TTLL6: variants seen among roughly 807,000 people sequenced by gnomAD.
TTLL6 encodes tubulin tyrosine ligase like 6.
TTLL6 carries 75 observed loss-of-function variants against 96.4 expected under a neutral mutation model. The ratio of observed to expected loss-of-function variants is 0.78; its 90% CI spans 0.65 to 0.94. TTLL6 has a LOEUF of 0.94. Among genes scored for constraint, TTLL6 ranks in the 40% least tolerant of loss-of-function variants. The pLI, the probability that TTLL6 is intolerant of heterozygous loss-of-function variation, is 0.00. For missense variants in TTLL6, 1,030 were observed against 1,093.0 expected (o/e 0.94, Z 0.81); for synonymous variants, 411 against 419.4 (o/e 0.98, Z 0.24).
rs755556015 is a variant in TTLL6, at chr17:48,785,131, T to C, written c.1832A>G (p.Asn611Ser). ...CTGGTTGAGGCTGCTGTCTGTTTCA[T>C]TTTTCCTTTCACCTCTGACACTCAA... ...LLLSVRGERKNETDSSLNQEA... is the reference protein window; with the variant it reads ...LLLSVRGERKSETDSSLNQEA... Residue 611 changes from asparagine (N) to serine (S), a missense_variant, in exon 13 of 16, where the codon AAT becomes AGT. Physicochemically the swap from Asn to Ser is conservative, Grantham distance 46. Transcript: ENST00000393382. The C allele has an allele frequency of 1.2e-6, 2 of 1,614,156 alleles. No individual in the cohort carries two copies. The highest frequency in any genetic ancestry group is 1.1e-5 in the South Asian group (1 of 91,090).
intron 8 of TTLL6, among the ~76,000 whole-genome samples, chr17:48,792,961 T>C (rs1013696997): frequency 2.0e-5 from 3 of 152,194 alleles, no homozygotes; most frequent in Non-Finnish European, 4.4e-5. Context: ...ATATACTTCA[T>C]TGTGTAATTT....
At chr17:48,810,139 CAA>C (rs59291777) in intron 1 of TTLL6, among the ~76,000 whole-genome samples, 1,057 of 61,632 alleles carry the variant, frequency 0.017, 6 homozygotes, top group Middle Eastern at 0.051. Context: ...AACTCTGTCT[CAA>C]AAAAAAAAAA....
At chr17:48,798,132 C>A (rs930716261) in intron 6 of TTLL6, among the ~76,000 whole-genome samples, 13 of 151,652 alleles carry the variant, frequency 8.6e-5, no homozygotes, top group Admixed American at 5.3e-4. Flanking sequence ...GATAAAAATT[C>A]TTTGATAGGC....
Position 48,791,402 on chromosome 17 carries a change from G to C in TTLL6, c.1200C>G (p.His400Gln). 4 of 1,614,170 alleles carry C rather than the reference G, an allele frequency of 2.5e-6. No individual in the cohort carries two copies. In the South Asian group the frequency reaches 3.3e-5, roughly 13 times the overall value. Reference protein sequence around the residue: ...EILGFDILLDHKLKPWLLEVN... With the variant: ...EILGFDILLDQKLKPWLLEVN... Reference sequence around the variant, plus strand: ...CCTCCAGCAGCCAGGGTTTGAGTTTGTGGTCCAACAAAATGTCAAAGCCCA... The same window carrying C: ...CCTCCAGCAGCCAGGGTTTGAGTTTCTGGTCCAACAAAATGTCAAAGCCCA... The change falls in exon 9 of 16, where the codon CAC (histidine) becomes CAG (glutamine). Residue 400 changes from histidine (H) to glutamine (Q), a missense_variant. Physicochemically the swap from His to Gln is conservative, Grantham distance 24. Coordinates refer to ENST00000393382, the MANE Select transcript of TTLL6 (RefSeq NM_001130918.3).
chr17:48,803,290 T>C (rs541940357), intron 3 of TTLL6, among the ~76,000 whole-genome samples: 1 of 149,690 alleles, frequency 6.7e-6, no homozygotes, highest in East Asian at 2.0e-4. Context: ...AGGTCAGGAG[T>C]TTTAGACCAG....
In TTLL6 at chr17:48,786,152, A is replaced by G; in HGVS notation, c.1761+12T>C. The G allele has an allele frequency of 6.2e-7, 1 of 1,613,988 alleles. No homozygotes were observed. Among genetic ancestry groups the G allele is most frequent in the Non-Finnish European group, 8.5e-7 (1 of 1,179,992 alleles). On this transcript the variant is annotated intron_variant, in intron 12 of 15. Transcript: ENST00000393382. The stretch of plus-strand genomic sequence containing the variant: ...GGTGTGGCTACGTGTGTTCCCCTCA[A>G]TCCAGGTTTACCTGTTTGGAGGCTT...
At chr17:48,789,412 T>A (rs1259382376) in intron 10 of TTLL6, among the ~76,000 whole-genome samples, 1 of 152,238 alleles carries the variant, frequency 6.6e-6, no homozygotes, top group Non-Finnish European at 1.5e-5. Flanking sequence ...GCCTTTTATA[T>A]GCATTATCTC....
rs536904280 is a variant in TTLL6, at chr17:48,780,007, G to A, written c.2040+4916C>T. Among the ~76,000 whole-genome samples, 3 of 151,828 alleles carry A rather than the reference G, an allele frequency of 2.0e-5. No homozygotes were observed. In the South Asian group the frequency reaches 6.2e-4, roughly 32 times the overall value. On this transcript the variant is annotated intron_variant, in intron 13 of 15. Transcript: ENST00000393382. ...TCATGATATATCATGATAGCATGTA[G>A]GTTATAGGGTACATTTATTTGCCAA...
At chr17:48,806,625 A>T (rs1300403757) in intron 1 of TTLL6, among the ~76,000 whole-genome samples, 4 of 152,136 alleles carry the variant, frequency 2.6e-5, no homozygotes, top group African/African-American at 9.7e-5. Context: ...CATTGAAAGA[A>T]TATAACATTA....
chr17:48,786,316 T>C lies in TTLL6; in HGVS notation c.1609A>G (p.Arg537Gly), dbSNP rs755143502. ...AAGGGCTTTTTCTCCCGTTTTAGTC[T>C]CAGCTCCTGGATCAGTTGCCTGCCC... ...EYARQLIQEL[R>G]LKREKKPFQM... Residue 537 changes from arginine to glycine, a missense_variant, in exon 12 of 16, where the codon AGA (arginine) becomes GGA (glycine). Physicochemically the swap from Arg to Gly is moderately radical, Grantham distance 125. Coordinates refer to ENST00000393382, the MANE Select transcript of TTLL6 (RefSeq NM_001130918.3). 5 of 1,614,236 alleles carry C rather than the reference T, an allele frequency of 3.1e-6. No individual in the cohort carries two copies. Among genetic ancestry groups the C allele is most frequent in the Non-Finnish European group, 4.2e-6 (5 of 1,180,034 alleles).
intron 13 of TTLL6, among the ~76,000 whole-genome samples, chr17:48,777,120 G>A (rs2038889915): frequency 6.6e-6 from 1 of 151,594 alleles, no homozygotes; most frequent in African/African-American, 2.4e-5. Context: ...TCACTTTTCA[G>A]CCAAGTTACC....
intron 15 of TTLL6, among the ~76,000 whole-genome samples, chr17:48,763,359 G>A (rs969803711): frequency 6.6e-6 from 1 of 152,210 alleles, no homozygotes; most frequent in African/African-American, 2.4e-5. Context: ...TGGGAAGTGT[G>A]TCTTGGGCCA....
intron 10 of TTLL6, among the ~76,000 whole-genome samples, chr17:48,788,770 C>T (rs1365694334): frequency 5.3e-5 from 8 of 152,144 alleles, no homozygotes; most frequent in Non-Finnish European, 1.2e-4. Context: ...CAAGGCCACA[C>T]AGCACTCCAC....
chr17:48,772,965 C>T (rs1223485156), intron 13 of TTLL6, among the ~76,000 whole-genome samples: 2 of 97,894 alleles, frequency 2.0e-5, no homozygotes, highest in African/African-American at 4.4e-5. Flanking sequence ...AATTGTGTCA[C>T]TGCACTCCAG....
intron 13 of TTLL6, among the ~76,000 whole-genome samples, chr17:48,778,346 A>G (rs11079836): frequency 0.037 from 5,635 of 152,092 alleles, 171 homozygotes; most frequent in South Asian, 0.14. Context: ...AAAGGAAGGA[A>G]GGAAGGAAGA....
chr17:48,771,792 T>C (rs1158230342), intron 13 of TTLL6, among the ~76,000 whole-genome samples: 1 of 151,894 alleles, frequency 6.6e-6, no homozygotes, highest in East Asian at 1.9e-4. Context: ...CCACTAGATA[T>C]GGCCAGGTGC....
chr17:48,774,230 G>GTT lies in TTLL6; in HGVS notation c.2041-4135_2041-4134dup, dbSNP rs753077737. Among the ~76,000 whole-genome samples, 35 of 117,780 alleles carry GTT rather than the reference G, an allele frequency of 3.0e-4. 3 individuals are homozygous for GTT. Among genetic ancestry groups the GTT allele is most frequent in the East Asian group, 5.6e-4 (2 of 3,592 alleles). The allele number at this position is 117,780 out of a possible 152,430, so 77.3% of individuals were successfully genotyped here. ...CTCAATGAAACCAAAATCCAGGTTT[G>GTT]TTGTTTTTTTTTTTTTTTTTTTGAG... is the stretch of plus-strand genomic sequence containing the variant. On this transcript the variant is annotated intron_variant, in intron 13 of 15. Coordinates refer to ENST00000393382, the MANE Select transcript of TTLL6 (RefSeq NM_001130918.3).
intron 13 of TTLL6, among the ~76,000 whole-genome samples, chr17:48,780,796 G>C (rs2038970809): frequency 6.6e-6 from 1 of 152,148 alleles, no homozygotes; most frequent in Admixed American, 6.6e-5. Context: ...TCAAGGGTAA[G>C]TCCTGTTGTA....
chr17:48,799,640 T>C lies in TTLL6; in HGVS notation c.732A>G (p.Pro244=), dbSNP rs540369348. Residue 244 remains proline, a synonymous_variant, in exon 6 of 16, where the codon CCA becomes CCG. Transcript: ENST00000393382. ...FITRTVKEIK[P]GEDMICQLYI... ...ACAGCTGACAGATCATATCCTCCCC[T>C]GGTTTGATTTCTTTCACTGTCCGGG... The C allele has an allele frequency of 2.6e-6, 4 of 1,552,014 alleles. No homozygotes were observed. The Admixed American group carries it at 5.9e-5, about 23-fold the overall frequency.
Sources: gnomAD v4.1 joint callset for allele counts (sites outside exome capture counted in the v4.1 genomes callset) on GRCh38, gnomAD v4.1.1 for gene constraint, MANE v1.5 for transcripts, NCBI Gene and HGNC (gene_info 2026-07-23, HGNC 2026-07-21) for gene names.